Variants in RNFT2 observed in about 807,000 individuals in gnomAD.
The protein encoded by RNFT2 is E3 ubiquitin-protein ligase RNFT2.
RNFT2 carries 36 observed loss-of-function variants against 53.0 expected under a neutral mutation model. The observed-to-expected ratio is 0.68, with a 90% CI of 0.52 to 0.90. RNFT2 has a LOEUF of 0.90. Ranked by LOEUF, RNFT2 falls within the 40% of genes least tolerant of loss-of-function variation. The probability of loss-of-function intolerance (pLI) is 0.00; values close to 1 mark genes in which losing one functional copy is unlikely to be tolerated. For synonymous variants in RNFT2, 260 were observed against 253.2 expected (o/e 1.03, Z -0.26); for missense variants, 514 against 585.6 (o/e 0.88, Z 1.26).
chr12:116,745,903 A>G (rs552620254), intron 3 of RNFT2, among the ~76,000 whole-genome samples: 1 of 152,238 alleles, frequency 6.6e-6, no homozygotes, highest in East Asian at 1.9e-4. Context: ...GCTCTGTCCA[A>G]AGCTATGGTT....
At chr12:116,812,648 C>T (rs541864374) in intron 7 of RNFT2, among the ~76,000 whole-genome samples, 2 of 151,982 alleles carry the variant, frequency 1.3e-5, no homozygotes, top group African/African-American at 4.8e-5. Flanking sequence ...GGTTCTCCTG[C>T]CTCAGCCTCC....
At chr12:116,776,463 C>T (rs16946979) in intron 6 of RNFT2, among the ~76,000 whole-genome samples, 6,332 of 152,250 alleles carry the variant, frequency 0.042, 292 homozygotes, top group African/African-American at 0.12. Flanking sequence ...AGCTCAGGGC[C>T]GCAAACCTCT....
intron 4 of RNFT2, among the ~76,000 whole-genome samples, chr12:116,750,902 ATATATATTT>A (rs1566069611): frequency 2.1e-3 from 34 of 16,084 alleles, no homozygotes; most frequent in Middle Eastern, 0.029. Context: ...ATATATATAT[ATATATATTT>A]TTTTTTGAGA....
chr12:116,769,099 C>T (rs898729234), intron 6 of RNFT2, among the ~76,000 whole-genome samples: 1 of 152,094 alleles, frequency 6.6e-6, no homozygotes, highest in Admixed American at 6.5e-5. Flanking sequence ...GTGGCTCACA[C>T]CTGTAATCCC....
intron 7 of RNFT2, among the ~76,000 whole-genome samples, chr12:116,805,919 A>G (rs1426502574): frequency 2.6e-5 from 4 of 152,226 alleles, no homozygotes; most frequent in Non-Finnish European, 5.9e-5. Flanking sequence ...GTAGATGTTA[A>G]CAACATTTAC....
At chr12:116,748,326 C>T (rs915945019) in intron 3 of RNFT2, among the ~76,000 whole-genome samples, 1 of 152,218 alleles carries the variant, frequency 6.6e-6, no homozygotes, top group Non-Finnish European at 1.5e-5. Flanking sequence ...CTCTGCTCCG[C>T]CAGCAGTGGC....
intron 7 of RNFT2, among the ~76,000 whole-genome samples, chr12:116,803,489 T>A (rs547290513): frequency 6.6e-6 from 1 of 151,960 alleles, no homozygotes; most frequent in African/African-American, 2.4e-5. Context: ...TTTAGAGAAA[T>A]AAAAGCCACT....
chr12:116,834,460 C>T (rs1013708046), intron 8 of RNFT2, among the ~76,000 whole-genome samples: 4 of 152,096 alleles, frequency 2.6e-5, no homozygotes, highest in Non-Finnish European at 4.4e-5. Flanking sequence ...TGGCATTGAG[C>T]GGATTCACAA....
In RNFT2 at chr12:116,814,934, C is replaced by G. The variant is rs1311977555; in HGVS notation, c.883-18858C>G. ...TATTTTTAGTAGAAATGGGGTTTCA[C>G]TATGTTAGCCAGGCCGGTCACAAAC... On this transcript the variant is annotated intron_variant, in intron 7 of 10. Coordinates refer to ENST00000257575, the MANE Select transcript of RNFT2 (RefSeq NM_001382266.1). Among the ~76,000 whole-genome samples the G allele has an allele frequency of 2.0e-5, 3 of 152,246 alleles. No individual in the cohort carries two copies. The East Asian group carries it at 5.8e-4, about 29-fold the overall frequency.
intron 10 of RNFT2, among the ~76,000 whole-genome samples, chr12:116,848,072 G>A (rs1434404027): frequency 1.3e-5 from 2 of 151,694 alleles, no homozygotes; most frequent in East Asian, 3.9e-4. Context: ...GTTCAGCTCT[G>A]ATTTATGAGT....
chr12:116,824,821 T>C (rs1876239805), intron 7 of RNFT2, among the ~76,000 whole-genome samples: 1 of 152,150 alleles, frequency 6.6e-6, no homozygotes, highest in Non-Finnish European at 1.5e-5. Context: ...AGAGGCCTTA[T>C]CTTTAAATAC....
chr12:116,824,452 T>C (rs966251482), intron 7 of RNFT2, among the ~76,000 whole-genome samples: 1 of 152,146 alleles, frequency 6.6e-6, no homozygotes, highest in Non-Finnish European at 1.5e-5. Flanking sequence ...CTCTTTCTCA[T>C]GTAAAGGCCA....
chr12:116,801,072 ACT>A (rs1874770609), intron 7 of RNFT2: 1 of 152,076 alleles, frequency 6.6e-6, no homozygotes, highest in South Asian at 2.1e-4. Context: ...TCTCAGCAAC[ACT>A]CTGAGAAGGG....
intron 7 of RNFT2, among the ~76,000 whole-genome samples, chr12:116,798,921 A>G (rs955537148): frequency 2.0e-5 from 3 of 152,184 alleles, no homozygotes; most frequent in Non-Finnish European, 2.9e-5. Flanking sequence ...TGCCTAACAA[A>G]TGACCACTGA....
chr12:116,840,136 A>G (rs1477906249), intron 10 of RNFT2, among the ~76,000 whole-genome samples: 1 of 152,206 alleles, frequency 6.6e-6, no homozygotes, highest in African/African-American at 2.4e-5. Flanking sequence ...ACTGTCCTCC[A>G]ATTCTTGGTC....
At chr12:116,742,151 T>C (rs1313661589) in intron 3 of RNFT2, among the ~76,000 whole-genome samples, 2 of 151,994 alleles carry the variant, frequency 1.3e-5, no homozygotes, top group Non-Finnish European at 2.9e-5. Context: ...GGAAAAAGCA[T>C]AGGCCACAGC....
At chr12:116,807,145 A>G (rs1272422451) in intron 7 of RNFT2, among the ~76,000 whole-genome samples, 2 of 152,128 alleles carry the variant, frequency 1.3e-5, no homozygotes, top group African/African-American at 4.8e-5. Flanking sequence ...GAAGGGGAGA[A>G]GGAATATCGG....
At chr12:116,741,250 C>T (rs1871596732) in intron 3 of RNFT2, among the ~76,000 whole-genome samples, 156 bp downstream of exon 3, 2 of 152,210 alleles carry the variant, frequency 1.3e-5, no homozygotes, top group South Asian at 2.1e-4. Flanking sequence ...ATAGCTTGCT[C>T]TTTCTTTTAT....
At chr12:116,767,902 C>T (rs897102986) in intron 6 of RNFT2, among the ~76,000 whole-genome samples, 8 of 152,194 alleles carry the variant, frequency 5.3e-5, no homozygotes, top group African/African-American at 1.9e-4. Context: ...CACGTTAACT[C>T]TTTGTAATCT....
Sources: allele counts gnomAD v4.1 joint callset (sites outside exome capture counted in the v4.1 genomes callset), GRCh38; gene constraint gnomAD v4.1.1; transcripts MANE v1.5; gene names NCBI Gene and HGNC (gene_info 2026-07-23, HGNC 2026-07-21).